The following FRYL variants were observed in gnomAD, a reference collection of about 807,000 sequenced individuals.
FRYL encodes the protein protein furry homolog-like.
Under a neutral mutation model 351.2 loss-of-function variants are expected in FRYL, and 150 were observed. The observed-to-expected ratio is 0.43, with a 90% CI of 0.37 to 0.49. FRYL has a LOEUF of 0.49. Among genes scored for constraint, FRYL ranks in the 20% least tolerant of loss-of-function variants. FRYL has a pLI of 0.00. For synonymous variants in FRYL, 1,153 were observed against 1,257.1 expected (o/e 0.92, Z 1.75); for missense variants, 3,036 against 3,619.3 (o/e 0.84, Z 4.13).
rs987487119 is a variant in FRYL at position 48,551,586 on chromosome 4, CAA to C, written c.4436-10_4436-9del. The C allele has an allele frequency of 4.1e-5, 65 of 1,577,996 alleles. No homozygotes were observed. Among genetic ancestry groups the C allele is most frequent in the Non-Finnish European group, 5.1e-5 (58 of 1,148,318 alleles). On this transcript the variant is annotated splice_polypyrimidine_tract_variant and intron_variant, in intron 36 of 63. Transcript: ENST00000358350. ...TGCTACTGGAAGTAGTTCCTGTAAT[CAA>C]AGACAAAGCAGTACTCGTGAATCTA...
chr4:48,569,234 T>A (rs1208139542), intron 27 of FRYL, among the ~76,000 whole-genome samples: 1 of 152,174 alleles, frequency 6.6e-6, no homozygotes, highest in Non-Finnish European at 1.5e-5. Context: ...AGCCCACAAG[T>A]TTCAATTTCA....
At chr4:48,693,622 T>A (rs1218143571) in intron 2 of FRYL, among the ~76,000 whole-genome samples, 7 of 137,174 alleles carry the variant, frequency 5.1e-5, no homozygotes, top group Admixed American at 2.2e-4. Flanking sequence ...TTCAGCGATT[T>A]AAAAAAAAAA....
At chr4:48,531,473 T>C (rs1370654595) in intron 49 of FRYL, 120 bp from the exon 50 acceptor site, 3 of 667,632 alleles carry the variant, frequency 4.5e-6, no homozygotes, top group Non-Finnish European at 5.1e-6. Context: ...ATTATTCATT[T>C]TGAAGATCCT....
chr4:48,776,008 A>G (rs1775973047), intron 1 of FRYL, among the ~76,000 whole-genome samples: 1 of 151,742 alleles, frequency 6.6e-6, no homozygotes, highest in African/African-American at 2.4e-5. Context: ...ATTTGCAAGC[A>G]TGAGAGACAG....
chr4:48,512,021 T>C (rs906657065), intron 57 of FRYL, among the ~76,000 whole-genome samples: 2 of 152,200 alleles, frequency 1.3e-5, no homozygotes, highest in Non-Finnish European at 2.9e-5. Context: ...TCAATAAATT[T>C]TAGCTTGTAT....
chr4:48,616,883 T>C (rs140637134), intron 7 of FRYL, among the ~76,000 whole-genome samples: 296 of 152,294 alleles, frequency 1.9e-3, no homozygotes, highest in Non-Finnish European at 3.7e-3. Flanking sequence ...ATATATTACA[T>C]TGTTTACTCT....
chr4:48,655,314 T>C (rs1307825005), intron 3 of FRYL, among the ~76,000 whole-genome samples: 1 of 152,082 alleles, frequency 6.6e-6, no homozygotes, highest in African/African-American at 2.4e-5. Context: ...AATACCACAA[T>C]ACTGTTGTTT....
At chr4:48,594,280 G>A (rs1254045320) in intron 15 of FRYL, among the ~76,000 whole-genome samples, 1 of 151,980 alleles carries the variant, frequency 6.6e-6, no homozygotes, top group Non-Finnish European at 1.5e-5. Context: ...AAATCAAAGT[G>A]AAAGAATTCC....
chr4:48,652,581 T>C (rs1187473737), intron 3 of FRYL, among the ~76,000 whole-genome samples: 2 of 152,178 alleles, frequency 1.3e-5, no homozygotes, highest in Non-Finnish European at 2.9e-5. Context: ...GAATTACTTA[T>C]AGATAAAAAA....
chr4:48,555,197 G>A (rs2149015622), intron 35 of FRYL, among the ~76,000 whole-genome samples: 1 of 152,258 alleles, frequency 6.6e-6, no homozygotes, highest in Non-Finnish European at 1.5e-5. Flanking sequence ...CCTCTTAAAA[G>A]TATAATCCCA....
At chr4:48,591,109 C>T (rs890822018) in intron 16 of FRYL, among the ~76,000 whole-genome samples, 2 of 152,126 alleles carry the variant, frequency 1.3e-5, no homozygotes, top group Non-Finnish European at 2.9e-5. Context: ...TCCTATCCTT[C>T]TATGGTCCCG....
chr4:48,603,708 T>C (rs2149257392), intron 11 of FRYL, among the ~76,000 whole-genome samples: 1 of 152,286 alleles, frequency 6.6e-6, no homozygotes, highest in South Asian at 2.1e-4. Context: ...CTAAGCTGCA[T>C]CCAACATCTC....
intron 11 of FRYL, 86 bp downstream of exon 11, chr4:48,605,655 T>A (rs763821208): frequency 1.1e-5 from 10 of 895,054 alleles, no homozygotes; most frequent in Non-Finnish European, 1.8e-5. Flanking sequence ...GTCATGTAAG[T>A]ATTTTTAGGA....
chr4:48,767,052 T>C (rs1243078736), intron 1 of FRYL, among the ~76,000 whole-genome samples: 1 of 149,486 alleles, frequency 6.7e-6, no homozygotes, highest in South Asian at 2.1e-4. Context: ...ATAATAAATA[T>C]ATATCCACTG....
intron 12 of FRYL, 26 bp downstream of exon 12, chr4:48,603,263 GA>G: frequency 7.4e-7 from 1 of 1,346,550 alleles, no homozygotes; most frequent in Non-Finnish European, 1.0e-6. Context: ...AATTAAATAT[GA>G]AAAGGTTTGA....
chr4:48,754,728 C>A (rs1578932862), intron 1 of FRYL, among the ~76,000 whole-genome samples: 2 of 147,678 alleles, frequency 1.4e-5, no homozygotes, highest in East Asian at 4.0e-4. Flanking sequence ...AGTGCAGTGG[C>A]ATGATCTTGG....
intron 1 of FRYL, among the ~76,000 whole-genome samples, chr4:48,738,781 C>A (rs1578882777): frequency 6.6e-6 from 1 of 151,062 alleles, no homozygotes; most frequent in African/African-American, 2.4e-5. Flanking sequence ...AATGAGATTA[C>A]AGGTGTGAGC....
chr4:48,550,619 A>T lies in FRYL; in HGVS notation c.4606T>A (p.Ser1536Thr). The T allele has an allele frequency of 6.2e-7, 1 of 1,613,088 alleles. No homozygotes were observed. The highest frequency in any genetic ancestry group is 8.5e-7 in the Non-Finnish European group (1 of 1,179,076). The change falls in exon 38 of 64, where the codon TCT becomes ACT. Residue 1536 changes from serine (S) to threonine (T), a missense_variant. Physicochemically the swap from Ser to Thr is moderately conservative, Grantham distance 58. Transcript: ENST00000358350. The stretch of plus-strand genomic sequence containing the variant: ...TTTTCTTCTTCATAAGATCCTCCAG[A>T]GCTGCTACTGTATCGGGATTCTAGT... ...HRLESRYSSS[S>T]GGSYEEEKSD... is the part of the protein sequence containing the mutation.
At chr4:48,534,801 T>C (rs868744546) in intron 48 of FRYL, 116 bp from the exon 49 acceptor site, 7 of 614,588 alleles carry the variant, frequency 1.1e-5, no homozygotes, top group Middle Eastern at 8.7e-4. Flanking sequence ...TTTATAGTTA[T>C]GTGGATTAGA....
Sources: allele counts gnomAD v4.1 joint callset (sites outside exome capture counted in the v4.1 genomes callset), GRCh38; gene constraint gnomAD v4.1.1; transcripts MANE v1.5; gene names NCBI Gene and HGNC (gene_info 2026-07-23, HGNC 2026-07-21).